Variants in MFAP3 observed in about 807,000 individuals in gnomAD.
MFAP3 encodes the protein microfibril-associated glycoprotein 3.
MFAP3 carries 8 observed loss-of-function variants against 20.5 expected under a neutral mutation model. The ratio of observed to expected loss-of-function variants is 0.39; its 90% CI spans 0.23 to 0.70. The LOEUF is 0.70. Among genes scored for constraint, MFAP3 ranks in the 30% least tolerant of loss-of-function variants. The pLI, the probability that MFAP3 is intolerant of heterozygous loss-of-function variation, is 0.44. For synonymous variants in MFAP3, 140 were observed against 154.0 expected (o/e 0.91, Z 0.67); for missense variants, 398 against 444.6 (o/e 0.90, Z 0.94).
In MFAP3 at chr5:154,051,304, C is replaced by T. The variant is rs545169338; in HGVS notation, c.295+1287C>T. Among the ~76,000 whole-genome samples the T allele has an allele frequency of 2.6e-5, 4 of 152,292 alleles. No individual in the cohort carries two copies. In the South Asian group the frequency reaches 8.3e-4, roughly 32 times the overall value. Reference sequence around the variant, plus strand: ...ATTCAGTGTCATCACTGTAGACTGACTGCATAAACAAAGCCTTAGGTTAAA... The same window carrying T: ...ATTCAGTGTCATCACTGTAGACTGATTGCATAAACAAAGCCTTAGGTTAAA... On this transcript the variant is annotated intron_variant, in intron 2 of 2. Transcript: ENST00000522782.
At chr5:154,051,132 A>G (rs1773182663) in intron 2 of MFAP3, among the ~76,000 whole-genome samples, 1 of 152,210 alleles carries the variant, frequency 6.6e-6, no homozygotes, top group Non-Finnish European at 1.5e-5. Flanking sequence ...CATGTTTAAA[A>G]TACATAACTA....
chr5:154,048,609 G>A (rs965825030), intron 1 of MFAP3, among the ~76,000 whole-genome samples: 1 of 152,080 alleles, frequency 6.6e-6, no homozygotes, highest in East Asian at 1.9e-4. Context: ...TTGAGAGTTG[G>A]TGGCTTAAAG....
Position 154,043,394 on chromosome 5 carries a change from A to G in MFAP3, c.-167+4383A>G, listed in dbSNP as rs148368504. Among the ~76,000 whole-genome samples the G allele has an allele frequency of 8.9e-3, 1,360 of 152,272 alleles. 23 individuals carry two copies. The highest frequency in any genetic ancestry group is 0.031 in the African/African-American group (1,284 of 41,548). Reference sequence around the variant, plus strand: ...GAGAAACCCCGTCTCTACTAAAAATACAAAAAATTAGCCAGGCGTGGTGGT... The same window carrying G: ...GAGAAACCCCGTCTCTACTAAAAATGCAAAAAATTAGCCAGGCGTGGTGGT... On this transcript the variant is annotated intron_variant, in intron 1 of 2. Coordinates refer to ENST00000522782, the MANE Select transcript of MFAP3 (RefSeq NM_005927.5).
Position 154,056,065 on chromosome 5 carries a change from A to G in MFAP3, c.*2352A>G, listed in dbSNP as rs1195854562. On this transcript the variant is annotated 3_prime_UTR_variant, in exon 3 of 3. Coordinates refer to ENST00000522782, the MANE Select transcript of MFAP3 (RefSeq NM_005927.5). ...GAATGGTTTTACCCCACATGTTCTC[A>G]TAGGAGACATTATTATTTAGAACCC... Among the ~76,000 whole-genome samples, 4 of 152,210 alleles carry G rather than the reference A, an allele frequency of 2.6e-5. No individual in the cohort carries two copies. Among genetic ancestry groups the G allele is most frequent in the Non-Finnish European group, 5.9e-5 (4 of 68,032 alleles).
In MFAP3 at chr5:154,049,666, G is replaced by A. The variant is rs976814857; in HGVS notation, c.-57G>A. ...ATAAATTACCCGCTGTGCTTTTGTT[G>A]TAGTGTAGAAGTTTTTGAGTTCTCC... On this transcript the variant is annotated 5_prime_UTR_variant, in exon 2 of 3. Coordinates refer to ENST00000522782, the MANE Select transcript of MFAP3 (RefSeq NM_005927.5). 4.6e-6 allele frequency: 7 copies of A among 1,520,142 alleles called. No individual in the cohort carries two copies. The highest frequency in any genetic ancestry group is 4.2e-5 in the African/African-American group (3 of 72,170). 94.2% of individuals were successfully genotyped at this position (1,520,142 alleles called of 1,614,324 possible).
chr5:154,050,997 G>T (rs62384078), intron 2 of MFAP3, among the ~76,000 whole-genome samples: 51 of 152,230 alleles, frequency 3.4e-4, no homozygotes, highest in South Asian at 1.5e-3. Flanking sequence ...TTCATATTAG[G>T]CTGGAAAACA....
rs1387867353 is a variant in MFAP3, at chr5:154,057,321, A to G, written c.*3608A>G. Reference sequence around the variant, plus strand: ...ACAAAAGTAAATAAGTATTTCATATAATTCAGAGGATGTTTAAATTGTCAG... The same window carrying G: ...ACAAAAGTAAATAAGTATTTCATATGATTCAGAGGATGTTTAAATTGTCAG... On this transcript the variant is annotated 3_prime_UTR_variant, in exon 3 of 3. Transcript: ENST00000522782. Among the ~76,000 whole-genome samples, 1 of 152,236 alleles carries G rather than the reference A, an allele frequency of 6.6e-6. No homozygotes were observed. The highest frequency in any genetic ancestry group is 6.5e-5 in the Admixed American group (1 of 15,280).
chr5:154,053,410 C>G lies in MFAP3; in HGVS notation c.786C>G (p.Asp262Glu), dbSNP rs2255493. Reference protein sequence around the residue: ...VEEMFEAVRVDDPDDLGERIK... With the variant: ...VEEMFEAVRVEDPDDLGERIK... ...AGATGTTTGAGGCTGTGCGAGTGGA[C>G]GACCCTGATGACCTGGGTGAAAGAA... Residue 262 changes from aspartate to glutamate, a missense_variant, in exon 3 of 3, where the codon GAC (aspartate) becomes GAG (glutamate). By Grantham distance (45) the Asp-to-Glu change is conservative. Transcript: ENST00000522782. 6 of 1,613,592 alleles carry G rather than the reference C, an allele frequency of 3.7e-6. No homozygotes were observed. The highest frequency in any genetic ancestry group is 1.3e-5 in the African/African-American group (1 of 74,752).
rs1160934451 is a variant in MFAP3, at chr5:154,056,524, G to T, written c.*2811G>T. Among the ~76,000 whole-genome samples, 2 of 151,852 alleles carry T rather than the reference G, an allele frequency of 1.3e-5. No homozygotes were observed. Among genetic ancestry groups the T allele is most frequent in the Non-Finnish European group, 2.9e-5 (2 of 67,954 alleles). On this transcript the variant is annotated 3_prime_UTR_variant, in exon 3 of 3. Transcript: ENST00000522782. The stretch of plus-strand genomic sequence containing the variant: ...GTAACTATAGTGTAATTATCTTTTT[G>T]TCTCACTGGATTTTATAGTTAGTGG...
Position 154,053,074 on chromosome 5 carries a change from T to C in MFAP3, c.450T>C (p.Tyr150=). The C allele has an allele frequency of 6.2e-7, 1 of 1,613,900 alleles. No individual in the cohort carries two copies. The highest frequency in any genetic ancestry group is 8.5e-7 in the Non-Finnish European group (1 of 1,179,876). The change falls in exon 3 of 3, where the codon TAT becomes TAC. Residue 150 remains tyrosine (Y), a synonymous_variant. Transcript: ENST00000522782. ...VIFTSGDMSV[Y]YMIVCLIAFT... Reference sequence around the variant, plus strand: ...TCACCTCGGGAGACATGAGTGTCTATTACATGATTGTTTGCCTGATTGCCT... The same window carrying C: ...TCACCTCGGGAGACATGAGTGTCTACTACATGATTGTTTGCCTGATTGCCT...
intron 2 of MFAP3, among the ~76,000 whole-genome samples, chr5:154,050,249 C>T (rs982163697): frequency 6.6e-6 from 1 of 152,112 alleles, no homozygotes; most frequent in Non-Finnish European, 1.5e-5. Flanking sequence ...CACATGATGA[C>T]AATGAGCTAT....
chr5:154,053,013 T>A lies in MFAP3; in HGVS notation c.389T>A (p.Ile130Asn). 1 of 1,613,890 alleles carries A rather than the reference T, an allele frequency of 6.2e-7. No individual in the cohort carries two copies. Among genetic ancestry groups the A allele is most frequent in the Non-Finnish European group, 8.5e-7 (1 of 1,179,872 alleles). The change falls in exon 3 of 3, where the codon ATT (isoleucine) becomes AAT (asparagine). Residue 130 changes from isoleucine (I) to asparagine (N), a missense_variant. Coordinates refer to ENST00000522782, the MANE Select transcript of MFAP3 (RefSeq NM_005927.5). ...TATACCTGTTTCGTCACCTCTCCAA[T>A]TCGTGCCTCCTACTCTGTCACCCTA... Reference protein sequence around the residue: ...GLYTCFVTSPIRASYSVTLRV... With the variant: ...GLYTCFVTSPNRASYSVTLRV...
chr5:154,042,114 A>C (rs1162986743), intron 1 of MFAP3, among the ~76,000 whole-genome samples: 1 of 152,170 alleles, frequency 6.6e-6, no homozygotes, highest in African/African-American at 2.4e-5. Context: ...CTATTATCTA[A>C]GCTGTTCATA....
intron 1 of MFAP3, among the ~76,000 whole-genome samples, chr5:154,048,662 T>C (rs552010722): frequency 6.6e-6 from 1 of 152,294 alleles, no homozygotes; most frequent in East Asian, 1.9e-4. Flanking sequence ...ATACATAGAC[T>C]TTTGGACTAG....
chr5:154,050,762 T>A (rs1773172165), intron 2 of MFAP3, among the ~76,000 whole-genome samples: 1 of 152,036 alleles, frequency 6.6e-6, no homozygotes, highest in Non-Finnish European at 1.5e-5. Context: ...ATTTTCCTAT[T>A]CATGGATCTG....
In MFAP3 at chr5:154,054,345, A is replaced by T. The variant is rs752665814; in HGVS notation, c.*632A>T. 3 of 166,976 alleles carry T rather than the reference A, an allele frequency of 1.8e-5. No individual in the cohort carries two copies. The highest frequency in any genetic ancestry group is 7.2e-5 in the African/African-American group (3 of 41,468). 10.3% of individuals were successfully genotyped at this position (166,976 alleles called of 1,614,324 possible). ...GTGCAAGATTGAATCTTTTCAATGT[A>T]GCACATGTCTGTAGGGTTATACAGA... On this transcript the variant is annotated 3_prime_UTR_variant, in exon 3 of 3. Transcript: ENST00000522782.
intron 1 of MFAP3, among the ~76,000 whole-genome samples, chr5:154,046,079 A>G (rs1024865210): frequency 6.6e-5 from 10 of 152,178 alleles, no homozygotes; most frequent in Non-Finnish European, 1.5e-4. Context: ...CTGGGAATCC[A>G]TATTTTTAAA....
At chr5:154,044,763 A>G (rs868727033) in intron 1 of MFAP3, among the ~76,000 whole-genome samples, 2 of 152,306 alleles carry the variant, frequency 1.3e-5, no homozygotes, top group Non-Finnish European at 1.5e-5. Context: ...GGAAGAGACT[A>G]GAGATCTATG....
At chr5:154,046,865 G>A (rs1167843586) in intron 1 of MFAP3, among the ~76,000 whole-genome samples, 1 of 152,128 alleles carries the variant, frequency 6.6e-6, no homozygotes, top group Non-Finnish European at 1.5e-5. Context: ...CCACGTTTGA[G>A]CCTCTCAGTT....
Sources: gnomAD v4.1 joint callset for allele counts (sites outside exome capture counted in the v4.1 genomes callset) on GRCh38, gnomAD v4.1.1 for gene constraint, MANE v1.5 for transcripts, NCBI Gene and HGNC (gene_info 2026-07-23, HGNC 2026-07-21) for gene names.